Variants in PABPC4L observed in about 807,000 individuals in gnomAD.
PABPC4L encodes the protein poly(A) binding protein cytoplasmic 4 like.
For missense variants in PABPC4L, 452 were observed against 451.4 expected, an observed-to-expected ratio of 1.00 and a Z score of -0.01; for synonymous variants, 169 against 164.1, an observed-to-expected ratio of 1.03 and a Z score of -0.23.
At chr4:133,975,643 G>A in the PABPC4L span, among the ~76,000 whole-genome samples, 1 of 152,058 alleles carries the variant, frequency 6.6e-6, no homozygotes, top group Admixed American at 6.6e-5. Context: ...GATTCTCAGA[G>A]ACTAAAGAGT....
the PABPC4L span, among the ~76,000 whole-genome samples, chr4:134,157,199 A>G: frequency 6.6e-6 from 1 of 151,236 alleles, no homozygotes; most frequent in Non-Finnish European, 1.5e-5. Context: ...TACCATGTGG[A>G]AGAATTTTTT....
downstream of PABPC4L, among the ~76,000 whole-genome samples, chr4:134,191,361 G>C (rs1438527843): frequency 2.0e-5 from 3 of 152,000 alleles, no homozygotes; most frequent in South Asian, 4.1e-4. Flanking sequence ...TATCTATAGA[G>C]TACTCCAGCC....
the PABPC4L span, among the ~76,000 whole-genome samples, chr4:134,011,497 ATTTTCT>A: frequency 6.6e-6 from 1 of 152,014 alleles, no homozygotes; most frequent in African/African-American, 2.4e-5. Flanking sequence ...TAATCTCAAC[ATTTTCT>A]TTTTCTAAGC....
the PABPC4L span, among the ~76,000 whole-genome samples, chr4:134,011,629 CTCTT>C: frequency 1.6e-4 from 25 of 151,978 alleles, no homozygotes; most frequent in Middle Eastern, 3.2e-3. Context: ...ATTTTATTCT[CTCTT>C]TTTTTGCCCT....
the PABPC4L span, among the ~76,000 whole-genome samples, chr4:134,119,366 T>C: frequency 1.2e-4 from 18 of 151,788 alleles, no homozygotes; most frequent in Admixed American, 2.6e-4. Flanking sequence ...TATGATCTTC[T>C]TGCTCTTGCA....
the PABPC4L span, among the ~76,000 whole-genome samples, chr4:134,153,152 A>T: frequency 2.0e-5 from 3 of 152,194 alleles, no homozygotes; most frequent in South Asian, 6.2e-4. Flanking sequence ...CAAACATAAT[A>T]GAATTCCTTT....
chr4:133,954,655 G>T, the PABPC4L span, among the ~76,000 whole-genome samples: 1 of 151,560 alleles, frequency 6.6e-6, no homozygotes, highest in African/African-American at 2.4e-5. Flanking sequence ...CCCATTTTTG[G>T]TTAGTCTCTG....
At chr4:134,086,353 T>C in the PABPC4L span, among the ~76,000 whole-genome samples, 1 of 152,144 alleles carries the variant, frequency 6.6e-6, no homozygotes, top group Non-Finnish European at 1.5e-5. Context: ...TGGCTTGCAT[T>C]GTCACTCCCC....
At chr4:134,141,505 T>C in the PABPC4L span, among the ~76,000 whole-genome samples, 1 of 149,960 alleles carries the variant, frequency 6.7e-6, no homozygotes, top group Non-Finnish European at 1.5e-5. Flanking sequence ...TTATAACTAT[T>C]ATATGTAATT....
chr4:134,083,956 A>G, the PABPC4L span, among the ~76,000 whole-genome samples: 3 of 152,152 alleles, frequency 2.0e-5, no homozygotes, highest in Admixed American at 6.5e-5. Context: ...CTTAGGGAAA[A>G]ATGTTCTTGT....
downstream of PABPC4L, among the ~76,000 whole-genome samples, chr4:134,195,185 G>C (rs1203657813): frequency 6.6e-6 from 1 of 151,640 alleles, no homozygotes; most frequent in Non-Finnish European, 1.5e-5. Context: ...ATAATTCTAA[G>C]ATTTGCCTTG....
the PABPC4L span, among the ~76,000 whole-genome samples, chr4:134,105,745 A>G: frequency 6.6e-6 from 1 of 151,664 alleles, no homozygotes; most frequent in East Asian, 1.9e-4. Context: ...ATATGCAATG[A>G]ATCAAAACTA....
the PABPC4L span, among the ~76,000 whole-genome samples, chr4:134,052,543 G>A: frequency 1.3e-5 from 2 of 151,924 alleles, no homozygotes; most frequent in African/African-American, 2.4e-5. Context: ...GTTCCGTGAT[G>A]TGTGTCAACT....
chr4:134,022,086 C>A, the PABPC4L span, among the ~76,000 whole-genome samples: 1 of 152,150 alleles, frequency 6.6e-6, no homozygotes, highest in East Asian at 1.9e-4. Flanking sequence ...TAGAAAAAAA[C>A]CCATCAGTTA....
the PABPC4L span, among the ~76,000 whole-genome samples, chr4:134,099,313 A>C: frequency 2.0e-5 from 3 of 151,700 alleles, no homozygotes; most frequent in Non-Finnish European, 4.4e-5. Flanking sequence ...CATCATTCAA[A>C]GCCAGATAGA....
At chr4:134,093,511 C>T in the PABPC4L span, among the ~76,000 whole-genome samples, 2 of 150,336 alleles carry the variant, frequency 1.3e-5, no homozygotes, top group South Asian at 2.1e-4. Context: ...TTATAGTCTT[C>T]GTAGTGATAC....
chr4:134,055,362 T>C, the PABPC4L span, among the ~76,000 whole-genome samples: 5 of 151,806 alleles, frequency 3.3e-5, no homozygotes, highest in African/African-American at 1.2e-4. Flanking sequence ...GAGGAAGACA[T>C]ATGAGAGAGC....
the PABPC4L span, among the ~76,000 whole-genome samples, chr4:133,963,353 T>A: frequency 3.9e-5 from 6 of 152,026 alleles, no homozygotes; most frequent in Non-Finnish European, 2.9e-5. Flanking sequence ...CAATTACTAA[T>A]AGACCTAAGA....
chr4:134,038,805 T>A, the PABPC4L span, among the ~76,000 whole-genome samples: 13 of 152,234 alleles, frequency 8.5e-5, no homozygotes, highest in South Asian at 1.9e-3. Context: ...TGAAGGGTAT[T>A]TCATATCTCT....
Sources: allele counts gnomAD v4.1 joint callset (sites outside exome capture counted in the v4.1 genomes callset), GRCh38; gene constraint gnomAD v4.1.1; transcripts MANE v1.5; gene names NCBI Gene and HGNC (gene_info 2026-07-23, HGNC 2026-07-21).